Variants in GNA12 observed in about 807,000 individuals in gnomAD.
GNA12 encodes the protein guanine nucleotide-binding protein subunit alpha-12.
Under a neutral mutation model 26.0 loss-of-function variants are expected in GNA12, and 9 were observed. That is an observed-to-expected ratio of 0.35 (90% confidence interval 0.21 to 0.60). The LOEUF is 0.60. Among genes scored for constraint, GNA12 ranks in the 20% least tolerant of loss-of-function variants. GNA12 has a pLI of 0.78. For synonymous variants in GNA12, 264 were observed against 219.6 expected (o/e 1.20, Z -1.79); for missense variants, 405 against 525.8 (o/e 0.77, Z 2.25).
intron 1 of GNA12, among the ~76,000 whole-genome samples, chr7:2,817,991 G>T (rs1290301697): frequency 1.3e-5 from 2 of 152,082 alleles, no homozygotes. Context: ...AACAAAAAAA[G>T]AAGAAAAAGT....
chr7:2,787,952 G>C (rs923886059), intron 2 of GNA12, among the ~76,000 whole-genome samples: 1 of 152,172 alleles, frequency 6.6e-6, no homozygotes, highest in Non-Finnish European at 1.5e-5. Context: ...TCAAGAGTTG[G>C]AGACCAGCAT....
rs1041823321 is a variant in GNA12 at position 2,728,929 on chromosome 7, C to G, written c.*2252G>C. 1 of 152,384 alleles carries G rather than the reference C, an allele frequency of 6.6e-6. No homozygotes were observed. Among genetic ancestry groups the G allele is most frequent in the Non-Finnish European group, 1.5e-5 (1 of 68,048 alleles). 9.4% of individuals were successfully genotyped at this position (152,384 alleles called of 1,614,324 possible). ...CAGCGCTGAGCGGGTCAAGAGCCCG[C>G]GCCGGGGGCCATCCCCCTGCGCTTT... On this transcript the variant is annotated 3_prime_UTR_variant, in exon 4 of 4. Coordinates refer to ENST00000275364, the MANE Select transcript of GNA12 (RefSeq NM_007353.3).
intron 1 of GNA12, among the ~76,000 whole-genome samples, chr7:2,810,464 T>C (rs188992606): frequency 2.0e-5 from 3 of 152,240 alleles, no homozygotes; most frequent in Non-Finnish European, 2.9e-5. Context: ...TGCAAATGAG[T>C]AAAATAATAA....
rs71026563 is a variant in GNA12 at position 2,816,240 on chromosome 7, C to CT, written c.310-21098dup. ...ACGCACATGTGCTGCTCACCAAATC[C>CT]TTTTTTTTTGAGATAGTCTTGATCT... is the stretch of plus-strand genomic sequence containing the variant. On this transcript the variant is annotated intron_variant, in intron 1 of 3. Transcript: ENST00000275364. 1.9e-3 allele frequency among the ~76,000 whole-genome samples: 281 copies of CT among 148,502 alleles called. 1 individual carries two copies. The highest frequency in any genetic ancestry group is 3.5e-3 in the Middle Eastern group (1 of 286).
rs964043434 is a variant in GNA12, at chr7:2,728,555, G to C, written c.*2626C>G. ...GTACACAGTATAGCTATGAGGAACAGATCTTATTTTGAGGAACTTTATTGT... is the reference window on the plus strand; with the variant it reads ...GTACACAGTATAGCTATGAGGAACACATCTTATTTTGAGGAACTTTATTGT... On this transcript the variant is annotated 3_prime_UTR_variant, in exon 4 of 4. Transcript: ENST00000275364. 1 of 152,482 alleles carries C rather than the reference G, an allele frequency of 6.6e-6. No homozygotes were observed. Among genetic ancestry groups the C allele is most frequent in the Non-Finnish European group, 1.5e-5 (1 of 68,030 alleles). The allele number at this position is 152,482 out of a possible 1,614,324, so 9.4% of individuals were successfully genotyped here.
intron 2 of GNA12, among the ~76,000 whole-genome samples, chr7:2,756,335 C>G (rs1016050425): frequency 4.6e-5 from 7 of 152,190 alleles, no homozygotes; most frequent in African/African-American, 1.7e-4. Context: ...CTAATTCAAA[C>G]TGGATCACTA....
chr7:2,737,274 G>GTTTTGTTTTGTTTTTTT (rs1790242698), intron 2 of GNA12, among the ~76,000 whole-genome samples: 11 of 35,044 alleles, frequency 3.1e-4, no homozygotes, highest in African/African-American at 1.1e-3. Flanking sequence ...GTTTTGTTTT[G>GTTTTGTTTTGTTTTTTT]TTTTTTTTTT....
intron 1 of GNA12, among the ~76,000 whole-genome samples, chr7:2,802,811 C>T (rs1422333932): frequency 6.6e-6 from 1 of 152,166 alleles, no homozygotes; most frequent in Non-Finnish European, 1.5e-5. Flanking sequence ...AAGACAGCGC[C>T]TCTTAGTTCC....
intron 1 of GNA12, among the ~76,000 whole-genome samples, chr7:2,829,757 T>C (rs1182190): frequency 0.42 from 64,124 of 152,042 alleles, 13,805 homozygotes; most frequent in Admixed American, 0.48. Context: ...GCTGCCATGT[T>C]GTCCCTTTCC....
At chr7:2,769,199 C>T (rs1189694081) in intron 2 of GNA12, among the ~76,000 whole-genome samples, 1 of 152,160 alleles carries the variant, frequency 6.6e-6, no homozygotes, top group Non-Finnish European at 1.5e-5. Flanking sequence ...CCACCATGCC[C>T]AGCCACCTTA....
In GNA12 at chr7:2,733,448, C is replaced by T. The variant is rs1790003406; in HGVS notation, c.576+3G>A. On this transcript the variant is annotated splice_donor_region_variant and intron_variant, in intron 3 of 3. Coordinates refer to ENST00000275364, the MANE Select transcript of GNA12 (RefSeq NM_007353.3). ...GCTTCTTCGGGCGGGCGTGCTTACTCACCAGCTGGCCGATCCGGTCCAAGT... is the reference window on the plus strand; with the variant it reads ...GCTTCTTCGGGCGGGCGTGCTTACTTACCAGCTGGCCGATCCGGTCCAAGT... 6.2e-7 allele frequency: 1 copy of T among 1,613,396 alleles called. No homozygotes were observed. The highest frequency in any genetic ancestry group is 1.7e-5 in the Admixed American group (1 of 59,986).
In GNA12 at chr7:2,785,993, G is replaced by A. The variant is rs146236074; in HGVS notation, c.525+8935C>T. Among the ~76,000 whole-genome samples, 214 of 152,378 alleles carry A rather than the reference G, an allele frequency of 1.4e-3. 2 individuals carry two copies. Among genetic ancestry groups the A allele is most frequent in the African/African-American group, 4.7e-3 (196 of 41,590 alleles). On this transcript the variant is annotated intron_variant, in intron 2 of 3. Transcript: ENST00000275364. ...GAGGCAGGACAATCGCTTGAACCCA[G>A]GAGGTGAAGGTTGCAGTGAGCTGAG...
chr7:2,801,861 T>C (rs917236259), intron 1 of GNA12, among the ~76,000 whole-genome samples: 10 of 152,224 alleles, frequency 6.6e-5, no homozygotes, highest in Admixed American at 2.0e-4. Flanking sequence ...TTCTTCCTTT[T>C]TAGAGAGAGA....
intron 1 of GNA12, among the ~76,000 whole-genome samples, chr7:2,806,457 CAAA>C (rs34036056): frequency 6.2e-5 from 5 of 80,712 alleles, no homozygotes; most frequent in African/African-American, 9.9e-5. Context: ...GACTCTGTCT[CAAA>C]AAAAAAAAAA....
chr7:2,802,401 T>G (rs1032690688), intron 1 of GNA12, among the ~76,000 whole-genome samples: 34 of 64,902 alleles, frequency 5.2e-4, no homozygotes, highest in Admixed American at 2.4e-3. Flanking sequence ...TTTGGGGGGG[T>G]GGGGGGTGGG....
intron 1 of GNA12, among the ~76,000 whole-genome samples, chr7:2,822,432 C>T (rs1157326318): frequency 6.6e-6 from 1 of 152,216 alleles, no homozygotes; most frequent in African/African-American, 2.4e-5. Flanking sequence ...TTATGGAAGT[C>T]CCCTTCTCAA....
At chr7:2,743,642 A>G (rs967251257) in intron 2 of GNA12, among the ~76,000 whole-genome samples, 1 of 152,172 alleles carries the variant, frequency 6.6e-6, no homozygotes, top group Admixed American at 6.5e-5. Context: ...CTGCATTTCC[A>G]ACTGAGGTAC....
chr7:2,751,140 C>A (rs1389112131), intron 2 of GNA12, among the ~76,000 whole-genome samples: 1 of 152,112 alleles, frequency 6.6e-6, no homozygotes, highest in Non-Finnish European at 1.5e-5. Context: ...GTAACCCCAG[C>A]ACTTTAGGAG....
At chr7:2,760,685 A>G (rs1207674097) in intron 2 of GNA12, among the ~76,000 whole-genome samples, 1 of 152,008 alleles carries the variant, frequency 6.6e-6, no homozygotes, top group Non-Finnish European at 1.5e-5. Context: ...CACCCTCCAA[A>G]TCCATCTCCA....
Sources: gnomAD v4.1 joint callset for allele counts (sites outside exome capture counted in the v4.1 genomes callset) on GRCh38, gnomAD v4.1.1 for gene constraint, MANE v1.5 for transcripts, NCBI Gene and HGNC (gene_info 2026-07-23, HGNC 2026-07-21) for gene names.